DLG1: variants seen among roughly 807,000 people sequenced by gnomAD.
DLG1 encodes discs large MAGUK scaffold protein 1, also known as disks large homolog 1.
A neutral mutation model predicts 123.4 loss-of-function variants in DLG1; 42 were observed. That is an observed-to-expected ratio of 0.34 (90% confidence interval 0.27 to 0.44). DLG1 has a LOEUF of 0.44. DLG1 is among the 20% of genes least tolerant of loss of function. The pLI is 1.00. For synonymous variants in DLG1, 317 were observed against 356.2 expected (o/e 0.89, Z 1.24); for missense variants, 942 against 1,082.6 (o/e 0.87, Z 1.82).
At chr3:197,291,252 G>A (rs995524695) in intron 3 of DLG1, among the ~76,000 whole-genome samples, 2 of 150,628 alleles carry the variant, frequency 1.3e-5, no homozygotes, top group Admixed American at 6.6e-5. Context: ...TTCAGCCAAC[G>A]ATGTGATCCA....
Position 197,043,565 on chromosome 3 carries a change from T to C in DLG1, c.*1058A>G, listed in dbSNP as rs1345954046. On this transcript the variant is annotated 3_prime_UTR_variant, in exon 25 of 25. Transcript: ENST00000667157. ...GGAGTAGGTGGCAAAAGAAACAAAATATATTTTAAATATATATATATGTTT... is the reference window on the plus strand; with the variant it reads ...GGAGTAGGTGGCAAAAGAAACAAAACATATTTTAAATATATATATATGTTT... 6.6e-6 allele frequency: 1 copy of C among 151,730 alleles called. No homozygotes were observed. The highest frequency in any genetic ancestry group is 1.9e-4 in the East Asian group (1 of 5,204). The allele number at this position is 151,730 out of a possible 1,614,324, so 9.4% of individuals were successfully genotyped here.
chr3:197,065,957 G>T (rs146517140), intron 20 of DLG1, 148 bp from the exon 21 acceptor site: 2 of 542,164 alleles, frequency 3.7e-6, no homozygotes, highest in Non-Finnish European at 6.5e-6. Flanking sequence ...CCAAAGATGC[G>T]TAACTTGCTC....
intron 5 of DLG1, 58 bp from the exon 6 acceptor site, chr3:197,149,854 T>C: frequency 9.6e-7 from 1 of 1,045,240 alleles, no homozygotes; most frequent in Non-Finnish European, 1.5e-6. Flanking sequence ...ATGTTCATGT[T>C]CACAATGTTA....
intron 5 of DLG1, among the ~76,000 whole-genome samples, chr3:197,178,727 A>C (rs1370000290): frequency 6.6e-6 from 1 of 152,172 alleles, no homozygotes; most frequent in Admixed American, 6.6e-5. Context: ...CCACGAGTCA[A>C]AGGAGAAAAA....
chr3:197,094,267 A>G (rs1056445417), intron 14 of DLG1, among the ~76,000 whole-genome samples: 1 of 152,198 alleles, frequency 6.6e-6, no homozygotes, highest in Non-Finnish European at 1.5e-5. Flanking sequence ...TACAAAACCT[A>G]TTAAAAGGCT....
Position 197,091,051 on chromosome 3 carries a change from A to G in DLG1, c.1547-25T>C, listed in dbSNP as rs1757447672. 8.9e-6 allele frequency: 13 copies of G among 1,454,550 alleles called. No homozygotes were observed. In the East Asian group the frequency reaches 3.0e-4, roughly 33 times the overall value. The allele number at this position is 1,454,550 out of a possible 1,614,324, so 90.1% of individuals were successfully genotyped here. ...TCTGATGGAAGAAAAAGAGAAATAA[A>G]TTGATATATTTTCAAAAAATAAGTT... On this transcript the variant is annotated intron_variant, in intron 14 of 24. Coordinates refer to ENST00000667157, the MANE Select transcript of DLG1 (RefSeq NM_001366207.1).
At chr3:197,288,783 G>C (rs6794588) in intron 3 of DLG1, among the ~76,000 whole-genome samples, 81,853 of 140,356 alleles carry the variant, frequency 0.58, 23,641 homozygotes, top group East Asian at 0.79. Flanking sequence ...TAAAATGGTA[G>C]AAATCTACTG....
At position 197,179,436 on chromosome 3, in the gene DLG1, G is replaced by C. The variant is rs1320262846; in HGVS notation, c.483+14989C>G. Among the ~76,000 whole-genome samples the C allele has an allele frequency of 1.3e-5, 2 of 152,100 alleles. 1 individual carries two copies. Among genetic ancestry groups the C allele is most frequent in the Non-Finnish European group, 2.9e-5 (2 of 68,000 alleles). ...TCCCTTAAATCCTGTAATTAAAGGT[G>C]TTGAGATCTCTGGTTCTTAAAAAAA... On this transcript the variant is annotated intron_variant, in intron 5 of 24. Transcript: ENST00000667157.
chr3:197,122,267 C>G (rs114120819), intron 11 of DLG1, among the ~76,000 whole-genome samples: 296 of 152,066 alleles, frequency 1.9e-3, no homozygotes, highest in Non-Finnish European at 3.7e-3. Flanking sequence ...TCAATACTTA[C>G]AGGATAAAAA....
At chr3:197,219,419 A>G (rs560044735) in intron 4 of DLG1, among the ~76,000 whole-genome samples, 12 of 152,252 alleles carry the variant, frequency 7.9e-5, no homozygotes, top group Admixed American at 7.9e-4. Context: ...ACGAATGCTC[A>G]GTGAACTTTA....
At chr3:197,098,622 C>A (rs1368266487) in intron 14 of DLG1, among the ~76,000 whole-genome samples, 1 of 152,176 alleles carries the variant, frequency 6.6e-6, no homozygotes, top group Admixed American at 6.5e-5. Flanking sequence ...GCAGCTTCTG[C>A]CTCCTGGGTT....
Position 197,093,796 on chromosome 3 carries a change from A to G in DLG1, c.1547-2770T>C, listed in dbSNP as rs556980619. On this transcript the variant is annotated intron_variant, in intron 14 of 24. Transcript: ENST00000667157. ...AACATAAATAAACCAGTGGCAGATT[A>G]TATTTTCCAAAGATGCCTGCATCCC... is the stretch of plus-strand genomic sequence containing the variant. Among the ~76,000 whole-genome samples the G allele has an allele frequency of 1.2e-4, 19 of 152,226 alleles. 1 individual carries two copies. The South Asian group carries it at 3.1e-3, about 25-fold the overall frequency.
At chr3:197,271,916 CTG>C (rs1366654707) in intron 4 of DLG1, among the ~76,000 whole-genome samples, 1 of 152,208 alleles carries the variant, frequency 6.6e-6, no homozygotes, top group Non-Finnish European at 1.5e-5. Flanking sequence ...AGGCAAAAAA[CTG>C]TACCCAGAGG....
intron 13 of DLG1, among the ~76,000 whole-genome samples, chr3:197,107,301 T>C (rs1767032337): frequency 6.6e-6 from 1 of 152,152 alleles, no homozygotes; most frequent in Admixed American, 6.5e-5. Context: ...TCCCAGCACT[T>C]TGGGAGGCCA....
intron 17 of DLG1, among the ~76,000 whole-genome samples, chr3:197,078,052 C>G (rs570827580): frequency 1.4e-3 from 205 of 151,484 alleles, no homozygotes; most frequent in Admixed American, 2.8e-3. Context: ...TGGCTCACAT[C>G]TGTAACCCCA....
At chr3:197,049,586 C>G (rs1402357359) in intron 24 of DLG1, among the ~76,000 whole-genome samples, 1 of 152,152 alleles carries the variant, frequency 6.6e-6, no homozygotes, top group Non-Finnish European at 1.5e-5. Context: ...AACCCCATCT[C>G]TACTAAAAAT....
At chr3:197,064,541 C>G (rs1738216350) in intron 22 of DLG1, among the ~76,000 whole-genome samples, 2 of 152,148 alleles carry the variant, frequency 1.3e-5, no homozygotes, top group African/African-American at 4.8e-5. Flanking sequence ...TTCCTATGTA[C>G]AAAGGCCATT....
At chr3:197,258,460 A>G (rs879291846) in intron 4 of DLG1, among the ~76,000 whole-genome samples, 3 of 152,066 alleles carry the variant, frequency 2.0e-5, no homozygotes, top group African/African-American at 7.2e-5. Context: ...AAAACTAATC[A>G]TCATTGCTTT....
intron 4 of DLG1, among the ~76,000 whole-genome samples, chr3:197,194,931 T>C (rs956650579): frequency 1.3e-5 from 2 of 152,214 alleles, no homozygotes; most frequent in African/African-American, 4.8e-5. Flanking sequence ...CTTAGTCTGG[T>C]TTTCTTACTC....
Sources: allele counts gnomAD v4.1 joint callset (sites outside exome capture counted in the v4.1 genomes callset), GRCh38; gene constraint gnomAD v4.1.1; transcripts MANE v1.5; gene names NCBI Gene and HGNC (gene_info 2026-07-23, HGNC 2026-07-21).